Variants in CAPZB observed in about 807,000 individuals in gnomAD.
The protein encoded by CAPZB is capping actin protein of muscle Z-line subunit beta.
In CAPZB, 2 loss-of-function variants were observed where a neutral mutation model predicts 38.1. The observed-to-expected ratio is 0.05, with a 90% confidence interval of 0.02 to 0.17. The LOEUF is 0.17. CAPZB is among the 10% of genes least tolerant of loss of function. CAPZB has a pLI of 1.00. For missense variants in CAPZB, 161 were observed against 334.2 expected (o/e 0.48, Z 4.04); for synonymous variants, 107 against 127.4 (o/e 0.84, Z 1.08).
intron 4 of CAPZB, among the ~76,000 whole-genome samples, chr1:19,363,260 A>AATTTT (rs755017379): frequency 1.6e-5 from 2 of 123,150 alleles, no homozygotes; most frequent in East Asian, 2.6e-4. Context: ...TAAAAAAAAA[A>AATTTT]TTTTTTTTTT....
At chr1:19,434,852 G>A (rs111717355) in intron 1 of CAPZB, among the ~76,000 whole-genome samples, 2,723 of 152,166 alleles carry the variant, frequency 0.018, 79 homozygotes, top group African/African-American at 0.062. Context: ...CTGGGAGGTC[G>A]TGGCTGCAGT....
chr1:19,378,199 A>G (rs1239472638), intron 4 of CAPZB, among the ~76,000 whole-genome samples: 1 of 152,236 alleles, frequency 6.6e-6, no homozygotes, highest in African/African-American at 2.4e-5. Context: ...AATACCTGGC[A>G]CTGTTTCTTA....
intron 2 of CAPZB, among the ~76,000 whole-genome samples, chr1:19,390,436 C>G (rs1433843114): frequency 6.6e-6 from 1 of 152,248 alleles, no homozygotes; most frequent in Non-Finnish European, 1.5e-5. Context: ...AGGGAAGGTT[C>G]AGATAACACC....
In CAPZB at chr1:19,385,568, C is replaced by G; in HGVS notation, c.152G>C (p.Arg51Thr). ...GTAATCCTTTCCCACCACCTTGTCT[C>G]TGGCAATTTTCAGTGGCTGGTCAAC... ...SSVDQPLKIARDKVVGKDYLL... is the reference protein window; with the variant it reads ...SSVDQPLKIATDKVVGKDYLL... The change falls in exon 3 of 9, where the codon AGA (arginine) becomes ACA (threonine). Residue 51 changes from arginine (R) to threonine (T), a missense_variant. By Grantham distance (71) the Arg-to-Thr change is moderately conservative. Coordinates refer to ENST00000264202, the MANE Select transcript of CAPZB (RefSeq NM_004930.5). 6.2e-7 allele frequency: 1 copy of G among 1,614,158 alleles called. No individual in the cohort carries two copies. Among genetic ancestry groups the G allele is most frequent in the Non-Finnish European group, 8.5e-7 (1 of 1,180,014 alleles).
chr1:19,357,584 T>G lies in CAPZB; in HGVS notation c.330-21A>C, dbSNP rs1448604770. ...AATACCTGCAGGAAACAGGCCAATGTGCCTGTTAGATGCTAAAGGACAGAT... is the reference window on the plus strand; with the variant it reads ...AATACCTGCAGGAAACAGGCCAATGGGCCTGTTAGATGCTAAAGGACAGAT... On this transcript the variant is annotated intron_variant, in intron 4 of 8. Transcript: ENST00000264202. This position sits in a 1 kb window ranked among gnomAD's most constrained non-coding sequence, Gnocchi z 4.3. 1.2e-6 allele frequency: 2 copies of G among 1,613,096 alleles called. No homozygotes were observed. The highest frequency in any genetic ancestry group is 2.2e-5 in the East Asian group (1 of 44,880).
At chr1:19,353,000 C>T (rs575041529) in intron 6 of CAPZB, among the ~76,000 whole-genome samples, 4 of 152,346 alleles carry the variant, frequency 2.6e-5, no homozygotes, top group Admixed American at 1.3e-4. Flanking sequence ...GGGACCCCTG[C>T]GAGGTGCCAG....
At chr1:19,410,181 T>C (rs1442688263) in intron 2 of CAPZB, among the ~76,000 whole-genome samples, 1 of 152,206 alleles carries the variant, frequency 6.6e-6, no homozygotes, top group Non-Finnish European at 1.5e-5. Context: ...GCTTGCCTCT[T>C]AGGTGACTGC....
At chr1:19,342,400 G>A (rs566852240) in intron 8 of CAPZB, among the ~76,000 whole-genome samples, 27 of 152,364 alleles carry the variant, frequency 1.8e-4, no homozygotes, top group African/African-American at 6.3e-4. Context: ...GGGGGTGGAC[G>A]GCAGGCAGAT....
intron 1 of CAPZB, among the ~76,000 whole-genome samples, chr1:19,480,159 CT>C (rs938219677): frequency 2.0e-5 from 3 of 152,138 alleles, no homozygotes; most frequent in African/African-American, 7.2e-5. Context: ...CTGCACTTGG[CT>C]TTTTGGACGC....
chr1:19,357,558 A>G lies in CAPZB; in HGVS notation c.335T>C (p.Phe112Ser). 1 of 1,614,096 alleles carries G rather than the reference A, an allele frequency of 6.2e-7. No individual in the cohort carries two copies. The highest frequency in any genetic ancestry group is 8.5e-7 in the Non-Finnish European group (1 of 1,180,006). ...NAFDQYRDLY[F>S]EGGVSSVYLW... is the part of the protein sequence containing the mutation. ...GTAGACAGATGAGACGCCACCTTCAAAATACCTGCAGGAAACAGGCCAATG... is the reference window on the plus strand; with the variant it reads ...GTAGACAGATGAGACGCCACCTTCAGAATACCTGCAGGAAACAGGCCAATG... The change falls in exon 5 of 9, where the codon TTT becomes TCT. Residue 112 changes from phenylalanine (F) to serine (S), a missense_variant. Physicochemically the swap from Phe to Ser is radical, Grantham distance 155. Transcript: ENST00000264202. The surrounding 1 kb of genome is among the most constrained non-coding windows in gnomAD (Gnocchi z 4.3).
chr1:19,350,788 G>C (rs770583401), intron 6 of CAPZB, among the ~76,000 whole-genome samples: 7 of 151,524 alleles, frequency 4.6e-5, no homozygotes, highest in Non-Finnish European at 8.8e-5. Flanking sequence ...GCTAATTTTT[G>C]TATTTTTTGT....
intron 6 of CAPZB, among the ~76,000 whole-genome samples, chr1:19,349,530 C>A (rs1169209333): frequency 6.6e-6 from 1 of 152,162 alleles, no homozygotes; most frequent in Non-Finnish European, 1.5e-5. Context: ...GTCACCTGGG[C>A]AAGTCCAGTC....
chr1:19,481,667 T>C (rs957690552), intron 1 of CAPZB, among the ~76,000 whole-genome samples: 1 of 152,178 alleles, frequency 6.6e-6, no homozygotes, highest in Non-Finnish European at 1.5e-5. Context: ...CCAGAAAGCC[T>C]TGGCTGTGCA....
chr1:19,441,982 C>T lies in CAPZB; in HGVS notation c.4-22232G>A, dbSNP rs986144501. Among the ~76,000 whole-genome samples, 9 of 128,000 alleles carry T rather than the reference C, an allele frequency of 7.0e-5. No individual in the cohort carries two copies. In the Admixed American group the frequency reaches 9.0e-4, roughly 13 times the overall value. 84.0% of individuals were successfully genotyped at this position (128,000 alleles called of 152,430 possible). On this transcript the variant is annotated intron_variant, in intron 1 of 8. Transcript: ENST00000264202. ...TGAGATTGTGCCACTGCACTCCAGC[C>T]TGGGCGACAGAGCAAGACTCTGTCT...
intron 7 of CAPZB, among the ~76,000 whole-genome samples, chr1:19,344,900 G>C (rs553500625): frequency 2.0e-5 from 3 of 152,240 alleles, no homozygotes; most frequent in Non-Finnish European, 4.4e-5. Flanking sequence ...ACACCCAGGC[G>C]ATCAGGGGAG....
intron 1 of CAPZB, among the ~76,000 whole-genome samples, chr1:19,462,467 AAAAATT>A (rs1374833012): frequency 4.6e-5 from 7 of 152,038 alleles, no homozygotes; most frequent in Admixed American, 2.0e-4. Context: ...CAAAAAAAAA[AAAAATT>A]AAAATTAAAA....
rs533705794 is a variant in CAPZB at position 19,461,384 on chromosome 1, C to T, written c.3+24052G>A. On this transcript the variant is annotated intron_variant, in intron 1 of 8. Coordinates refer to ENST00000264202, the MANE Select transcript of CAPZB (RefSeq NM_004930.5). The stretch of plus-strand genomic sequence containing the variant: ...AGGCTCTGCCTCCTTCTCTCTCCCC[C>T]GACCCACCTGCCACTCCTTGGAGCT... Among the ~76,000 whole-genome samples, 5 of 152,346 alleles carry T rather than the reference C, an allele frequency of 3.3e-5. No individual in the cohort carries two copies. The South Asian group carries it at 8.3e-4, about 25-fold the overall frequency.
chr1:19,451,364 A>G (rs1440842366), intron 1 of CAPZB, among the ~76,000 whole-genome samples: 1 of 152,192 alleles, frequency 6.6e-6, no homozygotes, highest in Non-Finnish European at 1.5e-5. Flanking sequence ...GAAATCACTG[A>G]CACAGATGGC....
At chr1:19,403,314 G>A (rs1292237904) in intron 2 of CAPZB, among the ~76,000 whole-genome samples, 2 of 152,204 alleles carry the variant, frequency 1.3e-5, no homozygotes, top group Admixed American at 6.5e-5. Context: ...CTAGGATGGA[G>A]CAAGTCCAAG....
Sources: allele counts gnomAD v4.1 joint callset (sites outside exome capture counted in the v4.1 genomes callset), GRCh38; gene constraint gnomAD v4.1.1; non-coding constraint Gnocchi (gnomAD v3.1); transcripts MANE v1.5; gene names NCBI Gene and HGNC (gene_info 2026-07-23, HGNC 2026-07-21).